CDH20: variants seen among roughly 807,000 people sequenced by gnomAD.
CDH20 encodes cadherin 20, also known as cadherin-20.
CDH20 carries 29 observed loss-of-function variants against 74.2 expected under a neutral mutation model. The ratio of observed to expected loss-of-function variants is 0.39; its 90% CI spans 0.29 to 0.53. The LOEUF (loss-of-function observed/expected upper bound fraction) is 0.53, where lower values mean the gene tolerates loss of function less well. CDH20 is among the 20% of genes least tolerant of loss of function. CDH20 has a pLI of 0.69. For missense variants in CDH20, 988 were observed against 1,048.3 expected, an observed-to-expected ratio of 0.94 and a Z score of 0.79; for synonymous variants, 469 against 405.4, an observed-to-expected ratio of 1.16 and a Z score of -1.88.
At chr18:61,368,278 G>T (rs576582878) in intron 1 of CDH20, among the ~76,000 whole-genome samples, 2 of 151,984 alleles carry the variant, frequency 1.3e-5, no homozygotes, top group Admixed American at 1.3e-4. Context: ...GGACACCTAG[G>T]GGGAGGGGGA....
At chr18:61,507,619 C>T (rs1911621111) in intron 6 of CDH20, 59 bp downstream of exon 6, 2 of 1,244,142 alleles carry the variant, frequency 1.6e-6, no homozygotes, top group Admixed American at 2.1e-5. Flanking sequence ...TTATGAAATG[C>T]TAGTAAGGAC....
At chr18:61,368,281 GA>G (rs1347706990) in intron 1 of CDH20, among the ~76,000 whole-genome samples, 11 of 152,062 alleles carry the variant, frequency 7.2e-5, no homozygotes, top group African/African-American at 1.9e-4. Flanking sequence ...CACCTAGGGG[GA>G]GGGGGAATTA....
At chr18:61,383,704 A>T (rs1911509080) in intron 1 of CDH20, among the ~76,000 whole-genome samples, 1 of 152,218 alleles carries the variant, frequency 6.6e-6, no homozygotes, top group South Asian at 2.1e-4. Context: ...AATGAGATAC[A>T]TTTAGAATCT....
chr18:61,472,296 C>A (rs566441422), intron 1 of CDH20, among the ~76,000 whole-genome samples: 1 of 152,182 alleles, frequency 6.6e-6, no homozygotes, highest in East Asian at 1.9e-4. Context: ...TACTTCCCCC[C>A]GAGAGACGTG....
In CDH20 at chr18:61,536,561, T is replaced by A. The variant is rs1912824661; in HGVS notation, c.1340T>A (p.Met447Lys). The change falls in exon 8 of 12, where the codon ATG becomes AAG. Residue 447 changes from methionine (M) to lysine (K), a missense_variant. By Grantham distance (95) the Met-to-Lys change is moderately conservative. Around this residue, in one of 2 missense-constraint regions of CDH20, gnomAD observed 613 missense variants for 755.2 expected, o/e 0.81. Transcript: ENST00000262717. ...FYVDITTGAL[M>K]TARPLDREEF... Reference sequence around the variant, plus strand: ...GTTGACATTACAACAGGTGCCCTAATGACAGCAAGACCCCTAGACCGGGAA... The same window carrying A: ...GTTGACATTACAACAGGTGCCCTAAAGACAGCAAGACCCCTAGACCGGGAA... 1.2e-6 allele frequency: 2 copies of A among 1,613,716 alleles called. No individual in the cohort carries two copies. Among genetic ancestry groups the A allele is most frequent in the East Asian group, 2.2e-5 (1 of 44,874 alleles).
At chr18:61,545,381 T>G (rs1913210405) in intron 10 of CDH20, among the ~76,000 whole-genome samples, 2 of 151,856 alleles carry the variant, frequency 1.3e-5, no homozygotes, top group South Asian at 4.2e-4. Context: ...GTGCTAGTAT[T>G]ACAGACATGA....
chr18:61,389,982 C>T (rs76764839), intron 1 of CDH20, among the ~76,000 whole-genome samples: 3,783 of 152,220 alleles, frequency 0.025, 166 homozygotes, highest in African/African-American at 0.088. Flanking sequence ...AAAACAAAAA[C>T]CTTCCTTGCC....
chr18:61,354,200 C>T (rs1910413994), intron 1 of CDH20, among the ~76,000 whole-genome samples: 1 of 152,198 alleles, frequency 6.6e-6, no homozygotes, highest in African/African-American at 2.4e-5. Context: ...AGATGGTTCT[C>T]TTAGTGAGTG....
intron 1 of CDH20, among the ~76,000 whole-genome samples, chr18:61,338,858 C>T (rs1269289457): frequency 6.6e-6 from 1 of 152,026 alleles, no homozygotes; most frequent in Non-Finnish European, 1.5e-5. Flanking sequence ...GCATGGGAGC[C>T]CTTTCTTCTT....
intron 1 of CDH20, among the ~76,000 whole-genome samples, chr18:61,472,295 C>G (rs1203153822): frequency 6.6e-6 from 1 of 152,090 alleles, no homozygotes; most frequent in African/African-American, 2.4e-5. Flanking sequence ...TTACTTCCCC[C>G]CGAGAGACGT....
At chr18:61,357,328 T>A (rs1910526627) in intron 1 of CDH20, among the ~76,000 whole-genome samples, 1 of 152,240 alleles carries the variant, frequency 6.6e-6, no homozygotes, top group Non-Finnish European at 1.5e-5. Flanking sequence ...CCATCTATAA[T>A]GGCTTAAATA....
intron 1 of CDH20, among the ~76,000 whole-genome samples, chr18:61,345,615 A>G (rs1165070967): frequency 1.3e-5 from 2 of 152,312 alleles, no homozygotes; most frequent in East Asian, 3.9e-4. Flanking sequence ...TGGAATGGAG[A>G]TTAGCACATC....
intron 1 of CDH20, among the ~76,000 whole-genome samples, chr18:61,396,949 A>G (rs1912001857): frequency 1.3e-5 from 2 of 152,150 alleles, no homozygotes; most frequent in South Asian, 4.1e-4. Flanking sequence ...TATCCCTTCA[A>G]GCCTGGCTGT....
chr18:61,435,937 A>G (rs1908818569), intron 1 of CDH20, among the ~76,000 whole-genome samples: 1 of 152,046 alleles, frequency 6.6e-6, no homozygotes, highest in Non-Finnish European at 1.5e-5. Context: ...ATTTCTGCAC[A>G]CTCGCCACCA....
At chr18:61,437,244 C>A (rs1365735268) in intron 1 of CDH20, among the ~76,000 whole-genome samples, 1 of 152,104 alleles carries the variant, frequency 6.6e-6, no homozygotes, top group Non-Finnish European at 1.5e-5. Flanking sequence ...TCCCACTTGC[C>A]AGGTAGTTCC....
At chr18:61,471,734 G>T (rs1041580676) in intron 1 of CDH20, among the ~76,000 whole-genome samples, 1 of 152,074 alleles carries the variant, frequency 6.6e-6, no homozygotes, top group African/African-American at 2.4e-5. Flanking sequence ...CCCGTTTGTC[G>T]GAGCATTTAT....
At chr18:61,496,315 C>T (rs1163005295) in intron 2 of CDH20, among the ~76,000 whole-genome samples, 1 of 144,538 alleles carries the variant, frequency 6.9e-6, no homozygotes, top group Non-Finnish European at 1.5e-5. Context: ...TTTCTCTCCC[C>T]CTCTTCCCCT....
intron 3 of CDH20, 112 bp downstream of exon 3, chr18:61,499,592 A>G: frequency 1.1e-6 from 1 of 873,890 alleles, no homozygotes; most frequent in Non-Finnish European, 1.7e-6. Context: ...TCAGAACAGG[A>G]GAGCATGAGA....
chr18:61,495,007 C>T (rs1388360497), intron 2 of CDH20, among the ~76,000 whole-genome samples: 1 of 152,178 alleles, frequency 6.6e-6, no homozygotes, highest in Admixed American at 6.5e-5. Flanking sequence ...CTCACTACTC[C>T]CTTGGCTGAA....
Sources: allele counts gnomAD v4.1 joint callset (sites outside exome capture counted in the v4.1 genomes callset), GRCh38; gene constraint gnomAD v4.1.1; regional missense constraint gnomAD v4.1.1; transcripts MANE v1.5; gene names NCBI Gene and HGNC (gene_info 2026-07-23, HGNC 2026-07-21).